The following HFM1 variants were observed in gnomAD, a reference collection of about 807,000 sequenced individuals.
HFM1 encodes helicase for meiosis 1.
Under a neutral mutation model 192.1 loss-of-function variants are expected in HFM1, and 169 were observed. That is an observed-to-expected ratio of 0.88 (90% confidence interval 0.78 to 1.00). The LOEUF is 1.00. Among genes scored for constraint, HFM1 ranks in the 50% least tolerant of loss-of-function variants. The probability of loss-of-function intolerance (pLI) is 0.00; values close to 1 mark genes in which losing one functional copy is unlikely to be tolerated. For synonymous variants in HFM1, 525 were observed against 537.8 expected, an observed-to-expected ratio of 0.98 and a Z score of 0.33; for missense variants, 1,661 against 1,668.0, an observed-to-expected ratio of 1.00 and a Z score of 0.07.
intron 13 of HFM1, among the ~76,000 whole-genome samples, chr1:91,371,832 T>C (rs1322249550): frequency 6.6e-6 from 1 of 152,210 alleles, no homozygotes; most frequent in Non-Finnish European, 1.5e-5. Flanking sequence ...TTTTGCCATC[T>C]ACTCATCTGA....
At chr1:91,299,138 C>T (rs1198142326) in intron 30 of HFM1, among the ~76,000 whole-genome samples, 1 of 152,104 alleles carries the variant, frequency 6.6e-6, no homozygotes, top group East Asian at 1.9e-4. Context: ...GGGTTGCAAT[C>T]CTAGTCTCTG....
At chr1:91,339,327 A>C (rs1655023179) in intron 20 of HFM1, among the ~76,000 whole-genome samples, 2 of 151,998 alleles carry the variant, frequency 1.3e-5, no homozygotes, top group African/African-American at 4.8e-5. Context: ...TAGAATTCAG[A>C]ATCTGGATGG....
At position 91,274,730 on chromosome 1, in the gene HFM1, C is replaced by A; in HGVS notation, c.3668G>T (p.Arg1223Met). The A allele has an allele frequency of 1.4e-6, 2 of 1,439,470 alleles. No homozygotes were observed. 89.2% of individuals were successfully genotyped at this position (1,439,470 alleles called of 1,614,324 possible). ...TPKPSLPSISRSEYLNISELP... is the reference protein window; with the variant it reads ...TPKPSLPSISMSEYLNISELP... ...TTAGATATTAACATTATATTTGTAC[C>A]TTGATATACTAGGAAGGGAAGGTTT... is the stretch of plus-strand genomic sequence containing the variant. The change falls in exon 33 of 39, where the codon AGG (arginine) becomes ATG (methionine). Residue 1223 changes from arginine to methionine, a missense_variant and splice_region_variant. Physicochemically the swap from Arg to Met is moderately conservative, Grantham distance 91. Coordinates refer to ENST00000370425, the MANE Select transcript of HFM1 (RefSeq NM_001017975.6).
At chr1:91,289,051 C>A (rs1668376357) in intron 30 of HFM1, among the ~76,000 whole-genome samples, 1 of 151,704 alleles carries the variant, frequency 6.6e-6, no homozygotes, top group Non-Finnish European at 1.5e-5. Flanking sequence ...GGGGGCTGCC[C>A]CCCACCTCCC....
At chr1:91,325,516 T>A (rs189063129) in intron 20 of HFM1, among the ~76,000 whole-genome samples, 1 of 152,220 alleles carries the variant, frequency 6.6e-6, no homozygotes, top group African/African-American at 2.4e-5. Flanking sequence ...CTTTGCCTGA[T>A]AGTCCAGAGA....
At chr1:91,352,335 A>G (rs1312805516) in intron 16 of HFM1, among the ~76,000 whole-genome samples, 171 bp downstream of exon 16, 2 of 151,844 alleles carry the variant, frequency 1.3e-5, no homozygotes, top group African/African-American at 4.8e-5. Context: ...TGAAGGAAGT[A>G]TGTCCCAGTT....
At chr1:91,353,370 T>A in intron 13 of HFM1, 71 bp from the exon 14 acceptor site, 3 of 885,172 alleles carry the variant, frequency 3.4e-6, no homozygotes, top group Non-Finnish European at 5.2e-6. Context: ...CAGTTTATTA[T>A]TTTAAAACTT....
At chr1:91,396,221 T>G in intron 3 of HFM1, 72 bp downstream of exon 3, 1 of 663,738 alleles carries the variant, frequency 1.5e-6, no homozygotes, top group Admixed American at 2.9e-5. Context: ...AACAATCAAA[T>G]CAGGGTTTTT....
chr1:91,377,728 AC>A, intron 11 of HFM1: 1 of 357,018 alleles, frequency 2.8e-6, no homozygotes, highest in Non-Finnish European at 5.0e-6. Flanking sequence ...AGTTACAACA[AC>A]CATCACATAT....
chr1:91,347,667 G>A (rs1288886533), intron 18 of HFM1, among the ~76,000 whole-genome samples, 191 bp from the exon 19 acceptor site: 2 of 152,114 alleles, frequency 1.3e-5, no homozygotes, highest in Non-Finnish European at 2.9e-5. Flanking sequence ...AACAAGAATG[G>A]TATGGAATAA....
At chr1:91,377,098 C>CAA (rs11423757) in intron 11 of HFM1, among the ~76,000 whole-genome samples, 2 of 151,570 alleles carry the variant, frequency 1.3e-5, no homozygotes, top group East Asian at 1.9e-4. Context: ...AAATGCAGGT[C>CAA]AAAAAAAGAG....
At chr1:91,277,921 T>C (rs147223409) in intron 30 of HFM1, among the ~76,000 whole-genome samples, 2,107 of 132,828 alleles carry the variant, frequency 0.016, 86 homozygotes, top group African/African-American at 0.055. Flanking sequence ...TATACACTAA[T>C]ATATAATATA....
rs1266873341 is a variant in HFM1 at position 91,392,458 on chromosome 1, A to T, written c.494+1635T>A. Among the ~76,000 whole-genome samples, 3 of 152,202 alleles carry T rather than the reference A, an allele frequency of 2.0e-5. No homozygotes were observed. In the East Asian group the frequency reaches 5.8e-4, roughly 29 times the overall value. ...CATGTCCTTTGCAGGGACATGGATG[A>T]ATCTGGAAACCATCATTCTGAGCAA... On this transcript the variant is annotated intron_variant, in intron 4 of 38. Coordinates refer to ENST00000370425, the MANE Select transcript of HFM1 (RefSeq NM_001017975.6).
intron 13 of HFM1, among the ~76,000 whole-genome samples, chr1:91,356,975 C>T (rs761603886): frequency 6.6e-6 from 1 of 152,070 alleles, no homozygotes; most frequent in South Asian, 2.1e-4. Context: ...AATCTTCCAA[C>T]AAGGAAAAGC....
chr1:91,374,967 T>G (rs1389603476), intron 13 of HFM1, among the ~76,000 whole-genome samples: 1 of 151,988 alleles, frequency 6.6e-6, no homozygotes. Flanking sequence ...ACGAACAGCC[T>G]GCAAAGGAGG....
In HFM1 at chr1:91,400,997, T is replaced by C; in HGVS notation, c.71+15A>G. On this transcript the variant is annotated intron_variant, in intron 2 of 38. Coordinates refer to ENST00000370425, the MANE Select transcript of HFM1 (RefSeq NM_001017975.6). Reference sequence around the variant, plus strand: ...AAGTAATATACTATGCTATCAATCTTTAAGGGAGACTTACTTTTCAACTTC... The same window carrying C: ...AAGTAATATACTATGCTATCAATCTCTAAGGGAGACTTACTTTTCAACTTC... The C allele has an allele frequency of 7.3e-7, 1 of 1,364,576 alleles. No individual in the cohort carries two copies. The highest frequency in any genetic ancestry group is 1.0e-6 in the Non-Finnish European group (1 of 984,404). The allele number at this position is 1,364,576 out of a possible 1,614,324, so 84.5% of individuals were successfully genotyped here.
At chr1:91,407,780 A>AC (rs1310046866), upstream of HFM1, among the ~76,000 whole-genome samples, 1 of 152,172 alleles carries the variant, frequency 6.6e-6, no homozygotes, top group Non-Finnish European at 1.5e-5. Context: ...TGTACCTAGG[A>AC]GTGGAATTGC....
At position 91,353,262 on chromosome 1, in the gene HFM1, G is replaced by C; in HGVS notation, c.1723C>G (p.Leu575Val). 5 of 1,584,482 alleles carry C rather than the reference G, an allele frequency of 3.2e-6. No individual in the cohort carries two copies. The highest frequency in any genetic ancestry group is 4.3e-6 in the Non-Finnish European group (5 of 1,155,444). The change falls in exon 14 of 39, where the codon CTG becomes GTG. Residue 575 changes from leucine (L) to valine (V), a missense_variant. Physicochemically the swap from Leu to Val is conservative, Grantham distance 32 (BLOSUM62 1). Coordinates refer to ENST00000370425, the MANE Select transcript of HFM1 (RefSeq NM_001017975.6). ...AAATTATCTCTAAACCTACCTCTCA[G>C]TTTTGAATCTCTTACGGAATATGCA... ...KYAYSVRDSK[L>V]RDILKDGAAY...
intron 20 of HFM1, among the ~76,000 whole-genome samples, chr1:91,333,754 A>G (rs954527211): frequency 3.9e-5 from 6 of 152,210 alleles, no homozygotes; most frequent in African/African-American, 1.2e-4. Flanking sequence ...TTTACCGACA[A>G]AAATTTAAAA....
Sources: gnomAD v4.1 joint callset for allele counts (sites outside exome capture counted in the v4.1 genomes callset) on GRCh38, gnomAD v4.1.1 for gene constraint, MANE v1.5 for transcripts, NCBI Gene and HGNC (gene_info 2026-07-23, HGNC 2026-07-21) for gene names.